The following DCC variants were observed in gnomAD, a reference collection of about 807,000 sequenced individuals.
DCC encodes DCC netrin 1 receptor, also known as netrin receptor DCC.
A neutral mutation model predicts 172.5 loss-of-function variants in DCC; 58 were observed. The observed-to-expected ratio is 0.34, with a 90% CI of 0.27 to 0.42. The LOEUF is 0.42. Among genes scored for constraint, DCC ranks in the 10% least tolerant of loss-of-function variants. The pLI, the probability that DCC is intolerant of heterozygous loss-of-function variation, is 1.00. For missense variants in DCC, 1,740 were observed against 1,791.0 expected, an observed-to-expected ratio of 0.97 and a Z score of 0.51; for synonymous variants, 709 against 644.5, an observed-to-expected ratio of 1.10 and a Z score of -1.52.
chr18:53,190,494 G>GTGTGTGTT (rs1443990462), intron 9 of DCC, among the ~76,000 whole-genome samples: 1 of 127,180 alleles, frequency 7.9e-6, no homozygotes, highest in African/African-American at 2.6e-5. Context: ...GTGTGTGTGT[G>GTGTGTGTT]TGTGTGTGTA....
chr18:52,842,855 A>G (rs1214072130), intron 2 of DCC, among the ~76,000 whole-genome samples: 2 of 152,168 alleles, frequency 1.3e-5, no homozygotes, highest in African/African-American at 2.4e-5. Flanking sequence ...GAAAAAAATA[A>G]TTGAGGGTAA....
intron 1 of DCC, among the ~76,000 whole-genome samples, chr18:52,369,067 G>A (rs148540904): frequency 1.6e-4 from 25 of 152,258 alleles, no homozygotes; most frequent in African/African-American, 6.0e-4. Flanking sequence ...TTACAAAGGT[G>A]TTTCATGTAA....
intron 3 of DCC, among the ~76,000 whole-genome samples, chr18:52,914,704 G>A (rs1158301942): frequency 6.6e-6 from 1 of 152,104 alleles, no homozygotes. Context: ...ACATAGTAGA[G>A]TACCTACTGG....
At chr18:53,251,914 A>G (rs1253186676) in intron 12 of DCC, among the ~76,000 whole-genome samples, 1 of 151,800 alleles carries the variant, frequency 6.6e-6, no homozygotes, top group Non-Finnish European at 1.5e-5. Flanking sequence ...AACACTGACT[A>G]TTTCCAGGGT....
At chr18:52,733,732 G>A (rs1255651876) in intron 1 of DCC, among the ~76,000 whole-genome samples, 3 of 152,094 alleles carry the variant, frequency 2.0e-5, no homozygotes, top group African/African-American at 7.2e-5. Flanking sequence ...CTAGCCTCAA[G>A]CAGTCCTCCT....
intron 15 of DCC, among the ~76,000 whole-genome samples, chr18:53,381,902 C>G (rs374283831): frequency 6.6e-6 from 1 of 152,066 alleles, no homozygotes; most frequent in African/African-American, 2.4e-5. Context: ...GATAATCTGA[C>G]AAAACTGGGA....
At chr18:53,349,703 T>C (rs1403853327) in intron 15 of DCC, among the ~76,000 whole-genome samples, 1 of 152,166 alleles carries the variant, frequency 6.6e-6, no homozygotes, top group African/African-American at 2.4e-5. Flanking sequence ...AAAGAGAGCT[T>C]GTGCATAGAA....
At chr18:53,239,229 A>C (rs965912042) in intron 12 of DCC, among the ~76,000 whole-genome samples, 2 of 147,592 alleles carry the variant, frequency 1.4e-5, no homozygotes, top group African/African-American at 5.1e-5. Flanking sequence ...ATAAAAATGA[A>C]AAAAAAAAAA....
At chr18:52,575,003 T>G (rs530151124) in intron 1 of DCC, among the ~76,000 whole-genome samples, 2 of 152,290 alleles carry the variant, frequency 1.3e-5, no homozygotes, top group South Asian at 4.1e-4. Flanking sequence ...GCTCAGATTT[T>G]TGGTCACTGC....
intron 1 of DCC, among the ~76,000 whole-genome samples, chr18:52,674,421 G>C (rs1201724512): frequency 6.6e-6 from 1 of 152,090 alleles, no homozygotes; most frequent in Non-Finnish European, 1.5e-5. Context: ...CAACAGATTG[G>C]ATGGTGTCTA....
At chr18:53,375,358 C>A (rs1393916547) in intron 15 of DCC, among the ~76,000 whole-genome samples, 1 of 152,016 alleles carries the variant, frequency 6.6e-6, no homozygotes, top group Non-Finnish European at 1.5e-5. Flanking sequence ...AGAAGGCTAC[C>A]AGAAAGTAAA....
chr18:52,358,979 A>G (rs12964778), intron 1 of DCC, among the ~76,000 whole-genome samples: 51,915 of 152,056 alleles, frequency 0.34, 9,303 homozygotes, highest in East Asian at 0.51. Flanking sequence ...TGTGTCTTCC[A>G]ATTTATAAAA....
intron 1 of DCC, among the ~76,000 whole-genome samples, chr18:52,683,495 T>G (rs1681602091): frequency 6.6e-6 from 1 of 152,112 alleles, no homozygotes; most frequent in Admixed American, 6.6e-5. Flanking sequence ...GAATGTGATT[T>G]AATATTAATT....
intron 8 of DCC, among the ~76,000 whole-genome samples, chr18:53,168,210 C>T (rs2054953648): frequency 1.3e-5 from 2 of 152,120 alleles, no homozygotes; most frequent in Admixed American, 6.6e-5. Flanking sequence ...AATCCCATTA[C>T]TGGGTATATA....
At chr18:52,623,971 T>C (rs1468013130) in intron 1 of DCC, among the ~76,000 whole-genome samples, 6 of 152,168 alleles carry the variant, frequency 3.9e-5, no homozygotes, top group Middle Eastern at 3.2e-3. Context: ...AAGGTTTCTT[T>C]TGAATCCGCT....
At chr18:52,922,835 A>G (rs1183782092) in intron 3 of DCC, among the ~76,000 whole-genome samples, 1 of 152,152 alleles carries the variant, frequency 6.6e-6, no homozygotes, top group Non-Finnish European at 1.5e-5. Flanking sequence ...CCGCAAGCCT[A>G]CTTGAGCATT....
chr18:52,844,391 G>T (rs1316278843), intron 2 of DCC, among the ~76,000 whole-genome samples: 1 of 152,088 alleles, frequency 6.6e-6, no homozygotes, highest in Non-Finnish European at 1.5e-5. Context: ...CTTTAAGAGG[G>T]TTAACCTCCA....
chr18:53,283,522 A>G (rs1040032409), intron 12 of DCC, among the ~76,000 whole-genome samples: 1 of 152,228 alleles, frequency 6.6e-6, no homozygotes, highest in African/African-American at 2.4e-5. Context: ...GAAAGCAAAG[A>G]TAATAGATAA....
At chr18:53,181,770 G>T (rs1055880245) in intron 9 of DCC, among the ~76,000 whole-genome samples, 1 of 152,160 alleles carries the variant, frequency 6.6e-6, no homozygotes, top group Non-Finnish European at 1.5e-5. Context: ...TTGGGGGGAA[G>T]CAGGTATTTT....
Sources: allele counts gnomAD v4.1 joint callset (sites outside exome capture counted in the v4.1 genomes callset), GRCh38; gene constraint gnomAD v4.1.1; transcripts MANE v1.5; gene names NCBI Gene and HGNC (gene_info 2026-07-23, HGNC 2026-07-21).